OTUD4: variants seen among roughly 807,000 people sequenced by gnomAD.
OTUD4 encodes the protein OTU deubiquitinase 4.
OTUD4 carries 24 observed loss-of-function variants against 130.4 expected under a neutral mutation model. The observed-to-expected ratio is 0.18, with a 90% confidence interval of 0.13 to 0.26. OTUD4 has a LOEUF of 0.26. Among genes scored for constraint, OTUD4 ranks in the 10% least tolerant of loss-of-function variants. The pLI, the probability that OTUD4 is intolerant of heterozygous loss-of-function variation, is 1.00. For missense variants in OTUD4, 1,031 were observed against 1,329.4 expected (o/e 0.78, Z 3.49); for synonymous variants, 420 against 472.5 (o/e 0.89, Z 1.44).
intron 17 of OTUD4, 32 bp from the exon 18 acceptor site, chr4:145,142,366 A>G (rs753410974): frequency 6.2e-7 from 1 of 1,605,690 alleles, no homozygotes; most frequent in East Asian, 2.2e-5. Flanking sequence ...GGGAAGACAG[A>G]AAAAGACAAG....
chr4:145,164,317 T>G (rs1751739210), intron 4 of OTUD4, 91 bp from the exon 5 acceptor site: 2 of 605,826 alleles, frequency 3.3e-6, no homozygotes, highest in Non-Finnish European at 5.9e-6. Flanking sequence ...GCCTAATACG[T>G]GCCAGGCACT....
rs1021148756 is a variant in OTUD4, at chr4:145,135,879, C to G, written c.*1551G>C. 1 of 152,606 alleles carries G rather than the reference C, an allele frequency of 6.6e-6. No homozygotes were observed. The highest frequency in any genetic ancestry group is 2.4e-5 in the African/African-American group (1 of 41,436). 9.5% of individuals were successfully genotyped at this position (152,606 alleles called of 1,614,324 possible). A position where few individuals can be genotyped will look rare whatever the true frequency, so the allele number is the denominator to read the frequency against. Reference sequence around the variant, plus strand: ...GGCGATTCACTAGCCCAACTGGCATCCAAACATTCCCATAGGTTATCAGAG... The same window carrying G: ...GGCGATTCACTAGCCCAACTGGCATGCAAACATTCCCATAGGTTATCAGAG... On this transcript the variant is annotated 3_prime_UTR_variant, in exon 21 of 21. Coordinates refer to ENST00000447906, the MANE Select transcript of OTUD4 (RefSeq NM_001366057.1).
rs993360446 is a variant in OTUD4, at chr4:145,180,577, C to G, written c.-604G>C. On this transcript the variant is annotated 5_prime_UTR_variant, in exon 1 of 21. Transcript: ENST00000447906. ...TTTGTTTTCGCTTTCGGCCCGACAGCGGAGAGGACGGCGGGAGATGTAGTC... is the reference window on the plus strand; with the variant it reads ...TTTGTTTTCGCTTTCGGCCCGACAGGGGAGAGGACGGCGGGAGATGTAGTC... Among the ~76,000 whole-genome samples, 4 of 152,206 alleles carry G rather than the reference C, an allele frequency of 2.6e-5. No individual in the cohort carries two copies. The highest frequency in any genetic ancestry group is 9.6e-5 in the African/African-American group (4 of 41,456).
chr4:145,152,008 A>G (rs1280511351), intron 11 of OTUD4, among the ~76,000 whole-genome samples: 1 of 152,246 alleles, frequency 6.6e-6, no homozygotes, highest in Non-Finnish European at 1.5e-5. Context: ...CTTTGTGCAC[A>G]ATGGTACATT....
intron 1 of OTUD4, 29 bp downstream of exon 1, chr4:145,179,786 C>A: frequency 1.4e-6 from 2 of 1,407,752 alleles, no homozygotes; most frequent in Non-Finnish European, 1.9e-6. Context: ...CGCCTCCCCT[C>A]GAAGCCCTCC....
intron 5 of OTUD4, among the ~76,000 whole-genome samples, chr4:145,163,560 A>C (rs1751690172): frequency 6.6e-6 from 1 of 152,106 alleles, no homozygotes; most frequent in South Asian, 2.1e-4. Flanking sequence ...TTGATAAAAA[A>C]CTATAATAGT....
At chr4:145,146,148 T>G in intron 14 of OTUD4, 119 bp downstream of exon 14, 1 of 549,376 alleles carries the variant, frequency 1.8e-6, no homozygotes, top group Non-Finnish European at 2.9e-6. Flanking sequence ...AAATGTGATC[T>G]TTAAAGTATT....
chr4:145,157,404 C>CA (rs1751344036), intron 7 of OTUD4, among the ~76,000 whole-genome samples: 2 of 152,004 alleles, frequency 1.3e-5, no homozygotes, highest in African/African-American at 4.8e-5. Flanking sequence ...GATGGTCTTA[C>CA]AAAAAAGGCC....
chr4:145,165,879 C>A (rs192431932), intron 3 of OTUD4, among the ~76,000 whole-genome samples: 1 of 151,860 alleles, frequency 6.6e-6, no homozygotes, highest in Admixed American at 6.6e-5. Flanking sequence ...TGAATAGAGG[C>A]GGCTGGGCGC....
At chr4:145,165,749 T>C (rs532751241) in intron 3 of OTUD4, among the ~76,000 whole-genome samples, 1 of 152,230 alleles carries the variant, frequency 6.6e-6, no homozygotes, top group East Asian at 1.9e-4. Context: ...GTGCTGGGAT[T>C]ACAAGCGTGA....
intron 5 of OTUD4, among the ~76,000 whole-genome samples, chr4:145,163,009 A>C (rs1348981469): frequency 6.6e-6 from 1 of 152,230 alleles, no homozygotes; most frequent in Admixed American, 6.5e-5. Flanking sequence ...TTAAAGAACA[A>C]GACACTGTAA....
intron 13 of OTUD4, among the ~76,000 whole-genome samples, chr4:145,147,404 C>A (rs943496650): frequency 3.3e-5 from 5 of 152,104 alleles, no homozygotes; most frequent in South Asian, 2.1e-4. Context: ...AAATTTTAGA[C>A]CAATCCTTCC....
chr4:145,169,883 G>A (rs538103010), intron 3 of OTUD4, among the ~76,000 whole-genome samples: 9 of 152,310 alleles, frequency 5.9e-5, no homozygotes, highest in Non-Finnish European at 1.3e-4. Context: ...AAATCCCTCA[G>A]AACTGGAACA....
chr4:145,135,984 G>GA lies in OTUD4; in HGVS notation c.*1445dup, dbSNP rs1213841117. On this transcript the variant is annotated 3_prime_UTR_variant, in exon 21 of 21. Coordinates refer to ENST00000447906, the MANE Select transcript of OTUD4 (RefSeq NM_001366057.1). The stretch of plus-strand genomic sequence containing the variant: ...TTAAGTAATTTGCTTTACAAAAAAA[G>GA]AAAGTCACCGCATCTGGTTTTGGCT... 6.6e-6 allele frequency: 1 copy of GA among 151,842 alleles called. No homozygotes were observed. Among genetic ancestry groups the GA allele is most frequent in the Admixed American group, 6.6e-5 (1 of 15,242 alleles). 9.4% of individuals were successfully genotyped at this position (151,842 alleles called of 1,614,324 possible).
Position 145,136,990 on chromosome 4 carries a change from G to T in OTUD4, c.*440C>A. 6.5e-6 allele frequency: 1 copy of T among 153,842 alleles called. No homozygotes were observed. The allele number at this position is 153,842 out of a possible 1,614,324, so 9.5% of individuals were successfully genotyped here. ...AATAAAATATACATTTCTATTTGGTGCAACGTTATGTTTGGAATCTATAGT... is the reference window on the plus strand; with the variant it reads ...AATAAAATATACATTTCTATTTGGTTCAACGTTATGTTTGGAATCTATAGT... On this transcript the variant is annotated 3_prime_UTR_variant, in exon 21 of 21. Transcript: ENST00000447906.
chr4:145,148,076 CT>C (rs1322688064), intron 13 of OTUD4, among the ~76,000 whole-genome samples: 2 of 152,144 alleles, frequency 1.3e-5, no homozygotes, highest in Non-Finnish European at 2.9e-5. Context: ...AGTTTCATGT[CT>C]ATGGTATTAA....
At chr4:145,157,313 G>C (rs1170268560) in intron 7 of OTUD4, among the ~76,000 whole-genome samples, 1 of 152,160 alleles carries the variant, frequency 6.6e-6, no homozygotes, top group Non-Finnish European at 1.5e-5. Flanking sequence ...AGTATCAAGG[G>C]CAAGACCAGG....
At chr4:145,156,435 G>C (rs1751294088) in intron 7 of OTUD4, among the ~76,000 whole-genome samples, 1 of 152,140 alleles carries the variant, frequency 6.6e-6, no homozygotes, top group African/African-American at 2.4e-5. Context: ...TGTAATCCCA[G>C]GACTTTGGGA....
intron 18 of OTUD4, 27 bp from the exon 19 acceptor site, chr4:145,141,666 A>T: frequency 6.6e-7 from 1 of 1,506,090 alleles, no homozygotes; most frequent in Non-Finnish European, 8.9e-7. Flanking sequence ...AAGGAATCAA[A>T]ATGACAAAAG....
Sources: allele counts gnomAD v4.1 joint callset (sites outside exome capture counted in the v4.1 genomes callset), GRCh38; gene constraint gnomAD v4.1.1; transcripts MANE v1.5; gene names NCBI Gene and HGNC (gene_info 2026-07-23, HGNC 2026-07-21).